FOXN3: variants seen among roughly 807,000 people sequenced by gnomAD.
FOXN3 encodes forkhead box N3.
In FOXN3, 7 loss-of-function variants were observed where a neutral mutation model predicts 38.4. The observed-to-expected ratio is 0.18, with a 90% CI of 0.10 to 0.34. The LOEUF (loss-of-function observed/expected upper bound fraction) is 0.34. FOXN3 is among the 10% of genes least tolerant of loss of function. FOXN3 has a pLI of 1.00. For synonymous variants in FOXN3, 230 were observed against 242.2 expected (o/e 0.95, Z 0.47); for missense variants, 456 against 613.4 (o/e 0.74, Z 2.71).
At chr14:89,222,673 C>T (rs969455846) in intron 4 of FOXN3, among the ~76,000 whole-genome samples, 1 of 152,134 alleles carries the variant, frequency 6.6e-6, no homozygotes, top group Non-Finnish European at 1.5e-5. Context: ...GGAAGGCAGC[C>T]CCACCTTCCC....
intron 1 of FOXN3, among the ~76,000 whole-genome samples, chr14:89,562,357 T>C (rs1418405552): frequency 6.6e-6 from 1 of 152,014 alleles, no homozygotes; most frequent in Admixed American, 6.6e-5. Flanking sequence ...GCCTCCCAGG[T>C]TCAAGCAATT....
chr14:89,382,790 A>G (rs1890685731), intron 2 of FOXN3, among the ~76,000 whole-genome samples: 1 of 152,178 alleles, frequency 6.6e-6, no homozygotes. Context: ...CAAAGAGGGG[A>G]TGGTGTTTGA....
intron 1 of FOXN3, among the ~76,000 whole-genome samples, chr14:89,529,711 T>C (rs1286685830): frequency 1.3e-5 from 2 of 152,176 alleles, no homozygotes; most frequent in African/African-American, 4.8e-5. Flanking sequence ...TGTTGTTGTT[T>C]CCTTTCCACT....
At chr14:89,373,822 A>T (rs529979504) in intron 2 of FOXN3, among the ~76,000 whole-genome samples, 1 of 152,220 alleles carries the variant, frequency 6.6e-6, no homozygotes, top group African/African-American at 2.4e-5. Flanking sequence ...AAGTTTTACT[A>T]TTCAAACTAA....
At chr14:89,331,609 C>T (rs1165842173) in intron 3 of FOXN3, among the ~76,000 whole-genome samples, 6 of 151,996 alleles carry the variant, frequency 3.9e-5, no homozygotes, top group Non-Finnish European at 8.8e-5. Flanking sequence ...ACATGGGTCT[C>T]CTCTGTGTTT....
At chr14:89,440,547 C>G (rs1892360728) in intron 1 of FOXN3, among the ~76,000 whole-genome samples, 1 of 152,174 alleles carries the variant, frequency 6.6e-6, no homozygotes, top group African/African-American at 2.4e-5. Flanking sequence ...GATGACATTA[C>G]CTTGTGAAAG....
rs1889481644 is a variant in FOXN3 at position 89,360,747 on chromosome 14, TCCACCACCACCTCCACCACTACC to T, written c.544-9962_544-9940del. Among the ~76,000 whole-genome samples, 44 of 67,516 alleles carry T rather than the reference TCCACCACCACCTCCACCACTACC, an allele frequency of 6.5e-4. 2 individuals carry two copies. Among genetic ancestry groups the T allele is most frequent in the African/African-American group, 2.1e-3 (26 of 12,618 alleles). The allele number at this position is 67,516 out of a possible 152,430, so 44.3% of individuals were successfully genotyped here. A position where few individuals can be genotyped will look rare whatever the true frequency, so the allele number is the denominator to read the frequency against. Reference sequence around the variant, plus strand: ...CACCACCACCACCTCCAGCACCACCTCCACCACCACCTCCACCACTACCACCTCCACCACCACCTCCACCACCA... The same window carrying T: ...CACCACCACCACCTCCAGCACCACCTACCTCCACCACCACCTCCACCACCA... On this transcript the variant is annotated intron_variant, in intron 2 of 5. Transcript: ENST00000557258.
intron 1 of FOXN3, among the ~76,000 whole-genome samples, chr14:89,589,503 C>G (rs532434815): frequency 2.6e-5 from 4 of 152,230 alleles, no homozygotes; most frequent in South Asian, 2.1e-4. Context: ...CATGCCAGGC[C>G]TCAGAAACAT....
chr14:89,374,048 T>G (rs1298574311), intron 2 of FOXN3, among the ~76,000 whole-genome samples: 1 of 151,714 alleles, frequency 6.6e-6, no homozygotes, highest in East Asian at 1.9e-4. Flanking sequence ...GGAGGATTGC[T>G]TGAACCCAGG....
chr14:89,325,357 ACCACT>A (rs1566956949), intron 3 of FOXN3, among the ~76,000 whole-genome samples: 1 of 116,178 alleles, frequency 8.6e-6, no homozygotes, highest in Non-Finnish European at 1.8e-5. Flanking sequence ...CACCACCACC[ACCACT>A]ACCACCACCG....
At chr14:89,253,945 G>C (rs934492068) in intron 4 of FOXN3, among the ~76,000 whole-genome samples, 2 of 152,126 alleles carry the variant, frequency 1.3e-5, no homozygotes, top group Admixed American at 1.3e-4. Flanking sequence ...CTATGGCCAT[G>C]GCCCATCAAA....
chr14:89,583,275 A>T lies in FOXN3; in HGVS notation c.-15+35753T>A, dbSNP rs76018446. Among the ~76,000 whole-genome samples, 273 of 152,296 alleles carry T rather than the reference A, an allele frequency of 1.8e-3. 4 individuals are homozygous for T. The East Asian group carries it at 0.04, about 22-fold the overall frequency. On this transcript the variant is annotated intron_variant, in intron 1 of 6. Transcript: ENST00000345097. ...TTTATTAGAAACTCATCCCCAATGCAGCATTGTTGAGAGGTGAGGCATCTG... is the reference window on the plus strand; with the variant it reads ...TTTATTAGAAACTCATCCCCAATGCTGCATTGTTGAGAGGTGAGGCATCTG...
rs181699408 is a variant in FOXN3 at position 89,225,400 on chromosome 14, C to T, written c.746-44594G>A. Among the ~76,000 whole-genome samples, 801 of 151,836 alleles carry T rather than the reference C, an allele frequency of 5.3e-3. 6 individuals carry two copies. Among genetic ancestry groups the T allele is most frequent in the African/African-American group, 0.018 (747 of 41,384 alleles). ...CAGGCGGATCACGAGGTCAGGAGAT[C>T]GAGACCATCCTGGCTGACATGGTGA... On this transcript the variant is annotated intron_variant, in intron 4 of 5. Coordinates refer to ENST00000557258, the MANE Select transcript of FOXN3 (RefSeq NM_005197.4).
chr14:89,364,669 G>A (rs1168875769), intron 2 of FOXN3: 1 of 152,166 alleles, frequency 6.6e-6, no homozygotes, highest in Non-Finnish European at 1.5e-5. Context: ...TTTTACAGAT[G>A]TGTTCTAAAA....
intron 1 of FOXN3, among the ~76,000 whole-genome samples, chr14:89,508,990 C>A (rs896266914): frequency 1.3e-5 from 2 of 152,020 alleles, no homozygotes; most frequent in South Asian, 2.1e-4. Context: ...CCCTGGACAC[C>A]CTCCCACCAG....
intron 2 of FOXN3, among the ~76,000 whole-genome samples, chr14:89,394,045 A>G (rs1261280826): frequency 6.6e-6 from 1 of 152,046 alleles, no homozygotes; most frequent in Non-Finnish European, 1.5e-5. Context: ...GTGGAAGGGC[A>G]AAGAGGGGAG....
At chr14:89,386,352 C>A (rs1430031755) in intron 2 of FOXN3, among the ~76,000 whole-genome samples, 1 of 152,226 alleles carries the variant, frequency 6.6e-6, no homozygotes, top group African/African-American at 2.4e-5. Context: ...GAGTCAGGGA[C>A]ACACATGTGG....
At chr14:89,255,476 G>A (rs944263294) in intron 4 of FOXN3, among the ~76,000 whole-genome samples, 5 of 152,056 alleles carry the variant, frequency 3.3e-5, no homozygotes, top group African/African-American at 4.8e-5. Flanking sequence ...TAGGAATGGC[G>A]AGAACAATTA....
chr14:89,172,333 C>T lies in FOXN3; in HGVS notation c.851+8368G>A, dbSNP rs527709982. 4.6e-5 allele frequency among the ~76,000 whole-genome samples: 7 copies of T among 152,282 alleles called. No homozygotes were observed. In the South Asian group the frequency reaches 6.2e-4, roughly 14 times the overall value. On this transcript the variant is annotated intron_variant, in intron 5 of 5. Transcript: ENST00000557258. ...ACTCCCGGGCTTTAAGCAACCCTCC[C>T]GCCTCAGCCTCCTGAGTAGCTGGGA...
Sources: gnomAD v4.1 joint callset for allele counts (sites outside exome capture counted in the v4.1 genomes callset) on GRCh38, gnomAD v4.1.1 for gene constraint, MANE v1.5 for transcripts, NCBI Gene and HGNC (gene_info 2026-07-23, HGNC 2026-07-21) for gene names.